Variants in PCDHA12 observed in about 807,000 individuals in gnomAD.
PCDHA12 encodes protocadherin alpha-12.
A neutral mutation model predicts 60.0 loss-of-function variants in PCDHA12; 44 were observed. The ratio of observed to expected loss-of-function variants is 0.73; its 90% CI spans 0.58 to 0.94. The LOEUF is 0.94. Among genes scored for constraint, PCDHA12 ranks in the 40% least tolerant of loss-of-function variants. PCDHA12 has a pLI of 0.00. For missense variants in PCDHA12, 1,276 were observed against 1,239.7 expected (o/e 1.03, Z -0.44); for synonymous variants, 569 against 553.0 (o/e 1.03, Z -0.40).
intron 1 of PCDHA12, among the ~76,000 whole-genome samples, chr5:140,941,941 T>G (rs1461291615): frequency 1.3e-5 from 2 of 152,246 alleles, no homozygotes; most frequent in Admixed American, 1.3e-4. Context: ...TGAATTACTT[T>G]TGTTTTGAAA....
At chr5:140,971,732 T>C (rs1554233582) in intron 1 of PCDHA12, among the ~76,000 whole-genome samples, 2 of 151,638 alleles carry the variant, frequency 1.3e-5, no homozygotes, top group African/African-American at 4.8e-5. Flanking sequence ...ATCATACATA[T>C]ACACATACAT....
chr5:140,938,268 T>C (rs2091998417), intron 1 of PCDHA12, among the ~76,000 whole-genome samples: 1 of 152,190 alleles, frequency 6.6e-6, no homozygotes, highest in Non-Finnish European at 1.5e-5. Context: ...TCTAATCACA[T>C]AGTTTTCTTG....
At chr5:140,966,885 C>G in intron 1 of PCDHA12, 1 of 1,590,818 alleles carries the variant, frequency 6.3e-7, no homozygotes, top group Non-Finnish European at 8.5e-7. Flanking sequence ...CCTGGCCCTG[C>G]GGCCTCCCAG....
Position 141,011,938 on chromosome 5 carries a change from T to TA in PCDHA12, c.*2008dup, listed in dbSNP as rs1489019865. 2.6e-5 allele frequency: 4 copies of TA among 153,644 alleles called. No individual in the cohort carries two copies. The highest frequency in any genetic ancestry group is 6.5e-5 in the Admixed American group (1 of 15,278). The allele number at this position is 153,644 out of a possible 1,614,324, so 9.5% of individuals were successfully genotyped here. A position where few individuals can be genotyped will look rare whatever the true frequency, so the allele number is the denominator to read the frequency against. ...ATAAAAGAGGTAGGAGTCTGTTATT[T>TA]AAAAAAAGCATTAAATTTAAAAAAA... On this transcript the variant is annotated 3_prime_UTR_variant, in exon 4 of 4. Transcript: ENST00000398631.
intron 1 of PCDHA12, among the ~76,000 whole-genome samples, chr5:140,879,619 G>C (rs1554170883): frequency 6.6e-6 from 1 of 152,182 alleles, no homozygotes; most frequent in African/African-American, 2.4e-5. Flanking sequence ...CAGGTACTTA[G>C]GTGGGTAAGT....
intron 1 of PCDHA12, among the ~76,000 whole-genome samples, chr5:140,942,993 AT>A (rs1228666837): frequency 3.3e-5 from 5 of 152,166 alleles, no homozygotes; most frequent in African/African-American, 1.2e-4. Context: ...GTGGTGGCTC[AT>A]GCCTGTAATC....
rs1554263423 is a variant in PCDHA12 at position 141,011,323 on chromosome 5, C to T, written c.*1386C>T. 1 of 153,686 alleles carries T rather than the reference C, an allele frequency of 6.5e-6. No individual in the cohort carries two copies. The highest frequency in any genetic ancestry group is 1.5e-5 in the Non-Finnish European group (1 of 68,036). The allele number at this position is 153,686 out of a possible 1,614,324, so 9.5% of individuals were successfully genotyped here. A position where few individuals can be genotyped will look rare whatever the true frequency, so the allele number is the denominator to read the frequency against. ...TCTGAATTGCTAATCTTACTAACACCTATGATGTTACCTGAAATCAATCTC... is the reference window on the plus strand; with the variant it reads ...TCTGAATTGCTAATCTTACTAACACTTATGATGTTACCTGAAATCAATCTC... On this transcript the variant is annotated 3_prime_UTR_variant, in exon 4 of 4. Transcript: ENST00000398631.
At chr5:140,881,340 C>T (rs782406068) in intron 1 of PCDHA12, 10 of 984,934 alleles carry the variant, frequency 1.0e-5, no homozygotes, top group African/African-American at 5.2e-5. Context: ...GACGCCGATT[C>T]GGGCTACAAT....
chr5:141,003,714 C>T (rs781976885), intron 3 of PCDHA12, among the ~76,000 whole-genome samples: 17 of 152,266 alleles, frequency 1.1e-4, no homozygotes, highest in South Asian at 2.1e-4. Flanking sequence ...GTGAAGATAT[C>T]GGCTAATCCA....
intron 3 of PCDHA12, among the ~76,000 whole-genome samples, chr5:140,989,495 A>G (rs1408191575): frequency 6.6e-6 from 1 of 152,136 alleles, no homozygotes; most frequent in African/African-American, 2.4e-5. Context: ...AACAAGAAAG[A>G]CCTGCTTATA....
At chr5:141,005,192 TTTCA>T (rs1554259924) in intron 3 of PCDHA12, among the ~76,000 whole-genome samples, 1 of 152,220 alleles carries the variant, frequency 6.6e-6, no homozygotes, top group African/African-American at 2.4e-5. Context: ...ACATCAGTCC[TTTCA>T]TTCATTCATC....
intron 1 of PCDHA12, chr5:140,883,158 C>A: frequency 2.5e-6 from 4 of 1,613,710 alleles, no homozygotes; most frequent in Non-Finnish European, 3.4e-6. Flanking sequence ...ACCATAAATC[C>A]GAACAATGGA....
intron 1 of PCDHA12, among the ~76,000 whole-genome samples, chr5:140,963,165 A>G (rs775997183): frequency 2.6e-5 from 4 of 152,110 alleles, no homozygotes; most frequent in Non-Finnish European, 5.9e-5. Flanking sequence ...GACACATGCC[A>G]TCTTACAGAT....
chr5:140,960,789 T>C (rs1221128371), intron 1 of PCDHA12, among the ~76,000 whole-genome samples: 3 of 152,058 alleles, frequency 2.0e-5, no homozygotes. Context: ...CCAAACAAGG[T>C]TTCTATTAAA....
chr5:140,930,394 T>C (rs531643898), intron 1 of PCDHA12: 1 of 145,356 alleles, frequency 6.9e-6, no homozygotes, highest in South Asian at 2.2e-4. Flanking sequence ...TCAAAACTTC[T>C]TTTTTTTTTT....
intron 1 of PCDHA12, chr5:140,926,974 G>T (rs145276602): frequency 2.2e-4 from 360 of 1,610,140 alleles, no homozygotes; most frequent in Middle Eastern, 1.2e-3. Context: ...CTCAGTGCCG[G>T]AGGAGACGGA....
Position 140,876,165 on chromosome 5 carries a change from C to A in PCDHA12, c.693C>A (p.Thr231=). 3 of 1,613,944 alleles carry A rather than the reference C, an allele frequency of 1.9e-6. No homozygotes were observed. Among genetic ancestry groups the A allele is most frequent in the Non-Finnish European group, 2.5e-6 (3 of 1,179,894 alleles). The change falls in exon 1 of 4, where the codon ACC becomes ACA. Residue 231 remains threonine, a synonymous_variant. Transcript: ENST00000398631. ...CAGGGTCTGTCCAGATTCAAATAAC[C>A]GTCCTGGATGTGAATGACAATGGTC... ...ELTGSVQIQI[T]VLDVNDNGPA...
intron 1 of PCDHA12, among the ~76,000 whole-genome samples, chr5:140,890,921 T>G (rs1165166836): frequency 6.6e-6 from 1 of 152,222 alleles, no homozygotes; most frequent in Non-Finnish European, 1.5e-5. Flanking sequence ...ATTTGAGAGT[T>G]TCCTTTAGTC....
intron 1 of PCDHA12, among the ~76,000 whole-genome samples, chr5:140,936,532 A>G (rs1431070462): frequency 6.6e-6 from 1 of 152,222 alleles, no homozygotes; most frequent in East Asian, 1.9e-4. Context: ...ATTGCTTTTG[A>G]ATATAGTGCA....
Sources: allele counts gnomAD v4.1 joint callset (sites outside exome capture counted in the v4.1 genomes callset), GRCh38; gene constraint gnomAD v4.1.1; transcripts MANE v1.5; gene names NCBI Gene and HGNC (gene_info 2026-07-23, HGNC 2026-07-21).